Variants in EPB41L2 observed in about 807,000 individuals in gnomAD.
EPB41L2 encodes band 4.1-like protein 2.
A neutral mutation model predicts 113.0 loss-of-function variants in EPB41L2; 43 were observed. That is an observed-to-expected ratio of 0.38 (90% CI 0.30 to 0.49). The LOEUF (loss-of-function observed/expected upper bound fraction) is 0.49. Among genes scored for constraint, EPB41L2 ranks in the 20% least tolerant of loss-of-function variants. The probability of loss-of-function intolerance (pLI) is 0.95; values close to 1 mark genes in which losing one functional copy is unlikely to be tolerated. For missense variants in EPB41L2, 1,147 were observed against 1,223.4 expected, an observed-to-expected ratio of 0.94 and a Z score of 0.93; for synonymous variants, 442 against 436.7, an observed-to-expected ratio of 1.01 and a Z score of -0.15.
intron 12 of EPB41L2, chr6:130,880,482 A>G (rs1182272166): frequency 6.1e-6 from 4 of 654,702 alleles, no homozygotes; most frequent in African/African-American, 1.8e-5. Flanking sequence ...CTCTTCTTCC[A>G]TCTTCGCCTG....
At chr6:130,871,151 C>T (rs1457396891) in intron 14 of EPB41L2, among the ~76,000 whole-genome samples, 1 of 152,188 alleles carries the variant, frequency 6.6e-6, no homozygotes, top group Non-Finnish European at 1.5e-5. Flanking sequence ...CAATAAATAT[C>T]TGTTGACTTA....
chr6:130,985,291 C>T (rs1181799402), intron 1 of EPB41L2, among the ~76,000 whole-genome samples: 2 of 152,056 alleles, frequency 1.3e-5, no homozygotes, highest in Non-Finnish European at 1.5e-5. Flanking sequence ...GACTCAGCCA[C>T]ATTTGGGGGG....
intron 13 of EPB41L2, among the ~76,000 whole-genome samples, chr6:130,878,781 C>G (rs1278955340): frequency 9.2e-5 from 14 of 152,172 alleles, no homozygotes; most frequent in African/African-American, 2.4e-5. Flanking sequence ...CTGGAAAAGC[C>G]AAGGTTTTTT....
intron 14 of EPB41L2, 123 bp from the exon 15 acceptor site, chr6:130,870,249 G>T: frequency 6.5e-7 from 1 of 1,529,874 alleles, no homozygotes; most frequent in South Asian, 1.2e-5. Context: ...TATGATGGCT[G>T]ACTGAAAGGG....
chr6:131,051,834 C>T (rs889872914), intron 1 of EPB41L2, among the ~76,000 whole-genome samples: 2 of 152,130 alleles, frequency 1.3e-5, no homozygotes, highest in African/African-American at 4.8e-5. Flanking sequence ...CATTTTAAGA[C>T]ATGCAAGCCT....
chr6:131,012,942 A>G (rs1787366418), intron 1 of EPB41L2, among the ~76,000 whole-genome samples: 1 of 152,206 alleles, frequency 6.6e-6, no homozygotes, highest in Non-Finnish European at 1.5e-5. Flanking sequence ...AACATTTGTA[A>G]TAGTAACTAT....
chr6:131,028,339 T>C (rs1165781490), intron 1 of EPB41L2, among the ~76,000 whole-genome samples: 1 of 152,186 alleles, frequency 6.6e-6, no homozygotes, highest in Non-Finnish European at 1.5e-5. Context: ...GTTCTATTTA[T>C]TTGTCACGAA....
Position 130,955,310 on chromosome 6 carries a change from T to G in EPB41L2, c.500A>C (p.Glu167Ala), listed in dbSNP as rs200099107. 117 of 1,598,144 alleles carry G rather than the reference T, an allele frequency of 7.3e-5. No homozygotes were observed. In the South Asian group the frequency reaches 1.0e-3, roughly 14 times the overall value. The change falls in exon 3 of 20, where the codon GAA (glutamate) becomes GCA (alanine). Residue 167 changes from glutamate (E) to alanine (A), a missense_variant. By Grantham distance (107) the Glu-to-Ala change is moderately radical. Transcript: ENST00000337057. ...CTCTTCTCTCTCCTTACTTACTAAT[T>G]CAGTAGGCTGTTGAGGAAAAAAAAA... ...SVSKVEMQPT[E>A]LVSKEREEKV... is the part of the protein sequence containing the mutation.
intron 14 of EPB41L2, among the ~76,000 whole-genome samples, chr6:130,876,987 A>C (rs1225495227): frequency 1.3e-5 from 2 of 152,204 alleles, no homozygotes; most frequent in African/African-American, 4.8e-5. Flanking sequence ...GACATTTTTT[A>C]TCATCTTCAG....
intron 6 of EPB41L2, 57 bp from the exon 7 acceptor site, chr6:130,901,237 C>A (rs768007166): frequency 2.0e-6 from 3 of 1,487,114 alleles, no homozygotes; most frequent in Admixed American, 1.7e-5. Flanking sequence ...GAGATTGGAG[C>A]ACTCACAGTC....
chr6:130,844,778 C>G (rs991039230), intron 19 of EPB41L2, among the ~76,000 whole-genome samples: 1 of 152,108 alleles, frequency 6.6e-6, no homozygotes, highest in Non-Finnish European at 1.5e-5. Context: ...CACGGTGGTT[C>G]ACTCCTGTAA....
chr6:130,987,681 A>C (rs1417291526), intron 1 of EPB41L2, among the ~76,000 whole-genome samples: 1 of 148,510 alleles, frequency 6.7e-6, no homozygotes, highest in African/African-American at 2.5e-5. Context: ...CAACAGAGCA[A>C]GACTCTGTCT....
intron 4 of EPB41L2, among the ~76,000 whole-genome samples, chr6:130,916,758 T>C (rs759444593): frequency 1.9e-4 from 29 of 152,224 alleles, no homozygotes; most frequent in Non-Finnish European, 3.7e-4. Context: ...ATAAAGTCTA[T>C]TTCAGCAGGT....
chr6:130,973,562 G>A (rs1352084241), intron 1 of EPB41L2, among the ~76,000 whole-genome samples: 1 of 152,140 alleles, frequency 6.6e-6, no homozygotes, highest in Non-Finnish European at 1.5e-5. Flanking sequence ...AAGTCACTAA[G>A]CTAAAGGGAA....
intron 4 of EPB41L2, among the ~76,000 whole-genome samples, chr6:130,925,999 G>A (rs974906262): frequency 6.6e-6 from 1 of 152,064 alleles, no homozygotes. Context: ...TACTAACAAC[G>A]ATAGCAATGT....
chr6:130,906,487 C>G (rs1414778939), intron 5 of EPB41L2, among the ~76,000 whole-genome samples: 2 of 152,142 alleles, frequency 1.3e-5, no homozygotes, highest in African/African-American at 4.8e-5. Flanking sequence ...TAGCAGTTTT[C>G]AAGTTAAACT....
chr6:130,856,347 A>G (rs927348359), intron 19 of EPB41L2, among the ~76,000 whole-genome samples: 3 of 152,256 alleles, frequency 2.0e-5, no homozygotes, highest in African/African-American at 7.2e-5. Context: ...TGTAGAATCT[A>G]TCAAGAATCA....
chr6:130,901,754 T>A (rs1043359561), intron 6 of EPB41L2, among the ~76,000 whole-genome samples: 1 of 152,204 alleles, frequency 6.6e-6, no homozygotes, highest in Non-Finnish European at 1.5e-5. Flanking sequence ...CCTGACTCTA[T>A]ATGACCTTGA....
chr6:130,874,726 G>A (rs899326042), intron 14 of EPB41L2, among the ~76,000 whole-genome samples: 2 of 152,120 alleles, frequency 1.3e-5, no homozygotes, highest in African/African-American at 4.8e-5. Context: ...CCACTTGGGG[G>A]CTTTTCCAGA....
Sources: allele counts gnomAD v4.1 joint callset (sites outside exome capture counted in the v4.1 genomes callset), GRCh38; gene constraint gnomAD v4.1.1; transcripts MANE v1.5; gene names NCBI Gene and HGNC (gene_info 2026-07-23, HGNC 2026-07-21).